The following ZSCAN5A variants were observed in gnomAD, a reference collection of about 807,000 sequenced individuals.
ZSCAN5A encodes zinc finger and SCAN domain containing 5A, also known as zinc finger and SCAN domain-containing protein 5A.
ZSCAN5A carries 12 observed loss-of-function variants against 23.7 expected under a neutral mutation model. The observed-to-expected ratio is 0.51, with a 90% confidence interval of 0.32 to 0.82. The LOEUF is 0.82. Ranked by LOEUF, ZSCAN5A falls within the 40% of genes least tolerant of loss-of-function variation. The pLI, the probability that ZSCAN5A is intolerant of heterozygous loss-of-function variation, is 0.03. For missense variants in ZSCAN5A, 597 were observed against 617.9 expected, an observed-to-expected ratio of 0.97 and a Z score of 0.36; for synonymous variants, 257 against 239.9, an observed-to-expected ratio of 1.07 and a Z score of -0.66.
At chr19:56,264,994 C>T (rs111873257) in intron 2 of ZSCAN5A, among the ~76,000 whole-genome samples, 14,951 of 151,914 alleles carry the variant, frequency 0.098, 822 homozygotes, top group South Asian at 0.18. Context: ...TGGTGGCAGG[C>T]GCCTGTAATC....
At chr19:56,232,075 C>T (rs1316914803) in intron 2 of ZSCAN5A, among the ~76,000 whole-genome samples, 4 of 144,314 alleles carry the variant, frequency 2.8e-5, no homozygotes, top group Non-Finnish European at 6.0e-5. Context: ...GCAGCCTCAA[C>T]TTCTCAGCCT....
chr19:56,245,871 AG>A (rs1384490122), intron 2 of ZSCAN5A, among the ~76,000 whole-genome samples: 3 of 151,920 alleles, frequency 2.0e-5, no homozygotes, highest in Non-Finnish European at 4.4e-5. Flanking sequence ...GTGTCATTGT[AG>A]GGGGTGGTGG....
intron 2 of ZSCAN5A, among the ~76,000 whole-genome samples, chr19:56,291,906 G>A (rs2039534676): frequency 6.6e-6 from 1 of 152,176 alleles, no homozygotes; most frequent in Non-Finnish European, 1.5e-5. Context: ...AGCTTTCTAG[G>A]TGCCAGGCGC....
chr19:56,291,581 C>T (rs2039512160), intron 2 of ZSCAN5A, among the ~76,000 whole-genome samples: 1 of 152,166 alleles, frequency 6.6e-6, no homozygotes, highest in African/African-American at 2.4e-5. Flanking sequence ...TGCTGCCCAA[C>T]AATGCCCACT....
chr19:56,322,854 T>A (rs1193714286), intron 2 of ZSCAN5A, among the ~76,000 whole-genome samples: 1 of 151,842 alleles, frequency 6.6e-6, no homozygotes, highest in Non-Finnish European at 1.5e-5. Context: ...GTTGTTAGAC[T>A]CTCTTGGTTT....
At chr19:56,331,767 G>GGTAGA (rs2147437686) in intron 2 of ZSCAN5A, among the ~76,000 whole-genome samples, 1 of 151,228 alleles carries the variant, frequency 6.6e-6, no homozygotes, top group East Asian at 2.0e-4. Context: ...TTTGTATTTT[G>GGTAGA]GTAGAGATGG....
chr19:56,321,295 T>C, intron 2 of ZSCAN5A: 1 of 660,654 alleles, frequency 1.5e-6, no homozygotes, highest in Non-Finnish European at 2.8e-6. Flanking sequence ...AAGAAGAAAA[T>C]AACTCGCCCA....
At chr19:56,326,006 C>T (rs550545571) in intron 2 of ZSCAN5A, among the ~76,000 whole-genome samples, 19 of 151,592 alleles carry the variant, frequency 1.3e-4, no homozygotes, top group Non-Finnish European at 2.5e-4. Context: ...GATCTCCGCT[C>T]ACTGCAAGCT....
At chr19:56,361,096 CTGATCACTGGAGAAATGCCAA>C (rs1282973379) in intron 2 of ZSCAN5A, among the ~76,000 whole-genome samples, 31 of 152,286 alleles carry the variant, frequency 2.0e-4, no homozygotes, top group Admixed American at 8.5e-4. Flanking sequence ...CTGAATATCA[CTGATCACTGGAGAAATGCCAA>C]TGATCACTGG....
At chr19:56,367,750 C>T (rs1475999263) in intron 1 of ZSCAN5A, 1 of 152,236 alleles carries the variant, frequency 6.6e-6, no homozygotes, top group Non-Finnish European at 1.5e-5. Context: ...AAGAAAAAGT[C>T]ACACAGCAGA....
chr19:56,346,407 C>T (rs757088094), intron 2 of ZSCAN5A, among the ~76,000 whole-genome samples: 2 of 151,964 alleles, frequency 1.3e-5, no homozygotes, highest in Non-Finnish European at 1.5e-5. Flanking sequence ...TGCTCTCTAC[C>T]ATTAGGGGAG....
intron 2 of ZSCAN5A, among the ~76,000 whole-genome samples, chr19:56,260,941 C>T (rs1438160474): frequency 6.6e-6 from 1 of 152,100 alleles, no homozygotes; most frequent in East Asian, 1.9e-4. Flanking sequence ...GGCGTGGTGG[C>T]TCATGTCTGT....
chr19:56,228,354 C>T (rs1234985791), intron 2 of ZSCAN5A: 3 of 985,224 alleles, frequency 3.0e-6, no homozygotes, highest in Non-Finnish European at 3.6e-6. Flanking sequence ...GACTCCAGGC[C>T]GCGTTTCCGG....
At chr19:56,346,596 C>T (rs372879763) in intron 2 of ZSCAN5A, among the ~76,000 whole-genome samples, 438 of 151,838 alleles carry the variant, frequency 2.9e-3, no homozygotes, top group Non-Finnish European at 4.8e-3. Context: ...TAGATATCAA[C>T]GGAATTTTGG....
At chr19:56,326,886 A>G (rs2041439305) in intron 2 of ZSCAN5A, among the ~76,000 whole-genome samples, 1 of 152,152 alleles carries the variant, frequency 6.6e-6, no homozygotes. Context: ...TGAGCAGAAC[A>G]TAGCAGCTGA....
intron 2 of ZSCAN5A, among the ~76,000 whole-genome samples, chr19:56,297,340 T>C (rs1422573773): frequency 1.3e-5 from 2 of 152,026 alleles, no homozygotes; most frequent in East Asian, 3.9e-4. Flanking sequence ...TGGTTTCTTT[T>C]CTTTTCCTTT....
Position 56,248,885 on chromosome 19 carries a change from A to G in ZSCAN5A, c.-127-23712T>C, listed in dbSNP as rs148782901. On this transcript the variant is annotated intron_variant, in intron 2 of 5. Coordinates refer to ENST00000683990, the MANE Select transcript of ZSCAN5A (RefSeq NM_001322064.3). Reference sequence around the variant, plus strand: ...GTTCCATCAGTGAGCCTGCCTGGACATATCACCACCACCCAGAGTCCATGG... The same window carrying G: ...GTTCCATCAGTGAGCCTGCCTGGACGTATCACCACCACCCAGAGTCCATGG... Among the ~76,000 whole-genome samples, 101 of 152,078 alleles carry G rather than the reference A, an allele frequency of 6.6e-4. 3 individuals carry two copies. The highest frequency in any genetic ancestry group is 2.2e-4 in the African/African-American group (9 of 41,486).
At position 56,352,364 on chromosome 19, in the gene ZSCAN5A, G is replaced by A. The variant is rs1232656769; in HGVS notation, c.-358+10871C>T. On this transcript the variant is annotated intron_variant, in intron 2 of 6. Transcript: ENST00000587340. This position sits in a 1 kb window ranked among gnomAD's most constrained non-coding sequence, Gnocchi z 4.2. ...GCACTGTAGAGACAGAGAGAGACATGAGATCCCACAGAAGCTAAGGCAGAT... is the reference window on the plus strand; with the variant it reads ...GCACTGTAGAGACAGAGAGAGACATAAGATCCCACAGAAGCTAAGGCAGAT... 6.6e-6 allele frequency among the ~76,000 whole-genome samples: 1 copy of A among 152,220 alleles called. No individual in the cohort carries two copies. Among genetic ancestry groups the A allele is most frequent in the Non-Finnish European group, 1.5e-5 (1 of 68,042 alleles).
Position 56,230,899 on chromosome 19 carries a change from A to G in ZSCAN5A, c.-127-5726T>C, listed in dbSNP as rs191306192. On this transcript the variant is annotated intron_variant, in intron 2 of 5. Transcript: ENST00000683990. ...AAATCATTCACAGGAAACCTATTTT[A>G]TAATAGAGCACTGAATATCTCATGT... is the stretch of plus-strand genomic sequence containing the variant. Among the ~76,000 whole-genome samples the G allele has an allele frequency of 1.3e-4, 20 of 152,350 alleles. No individual in the cohort carries two copies. In the East Asian group the frequency reaches 3.3e-3, roughly 25 times the overall value.
Sources: allele counts gnomAD v4.1 joint callset (sites outside exome capture counted in the v4.1 genomes callset), GRCh38; gene constraint gnomAD v4.1.1; non-coding constraint Gnocchi (gnomAD v3.1); transcripts MANE v1.5; gene names NCBI Gene and HGNC (gene_info 2026-07-23, HGNC 2026-07-21).